Variants in TRPM8 observed in about 807,000 individuals in gnomAD.
The protein encoded by TRPM8 is transient receptor potential cation channel subfamily M member 8.
In TRPM8, 110 loss-of-function variants were observed where a neutral mutation model predicts 133.7. The observed-to-expected ratio is 0.82, with a 90% CI of 0.70 to 0.96. The LOEUF (loss-of-function observed/expected upper bound fraction) is 0.96, where lower values mean the gene tolerates loss of function less well. Ranked by LOEUF, TRPM8 falls within the 40% of genes least tolerant of loss-of-function variation. The pLI is 0.00. For synonymous variants in TRPM8, 535 were observed against 532.3 expected (o/e 1.01, Z -0.07); for missense variants, 1,291 against 1,379.5 (o/e 0.94, Z 1.02).
intron 5 of TRPM8, among the ~76,000 whole-genome samples, chr2:233,941,379 C>T (rs1344935748): frequency 3.3e-5 from 5 of 152,068 alleles, no homozygotes; most frequent in Admixed American, 2.0e-4. Context: ...ATTTATGCCC[C>T]GTGAGAGCTG....
At chr2:233,997,742 A>T (rs1361236138) in intron 22 of TRPM8, among the ~76,000 whole-genome samples, 1 of 152,066 alleles carries the variant, frequency 6.6e-6, no homozygotes, top group South Asian at 2.1e-4. Context: ...GAAGGCAGCC[A>T]TCAACCCAAC....
intron 21 of TRPM8, among the ~76,000 whole-genome samples, chr2:233,990,480 T>C (rs1692247538): frequency 6.6e-6 from 1 of 152,202 alleles, no homozygotes; most frequent in African/African-American, 2.4e-5. Context: ...CTATTAAGCA[T>C]GTTAGGAGTG....
intron 2 of TRPM8, among the ~76,000 whole-genome samples, chr2:233,929,132 G>A (rs1186564475): frequency 6.6e-6 from 1 of 151,990 alleles, no homozygotes; most frequent in Admixed American, 6.5e-5. Context: ...AAGGGGGATG[G>A]TATGTGGATT....
At chr2:233,962,760 C>T (rs1000909137) in intron 12 of TRPM8, among the ~76,000 whole-genome samples, 4 of 152,048 alleles carry the variant, frequency 2.6e-5, no homozygotes, top group Non-Finnish European at 5.9e-5. Flanking sequence ...TATATATATC[C>T]ATTTAGTTGT....
intron 11 of TRPM8, among the ~76,000 whole-genome samples, chr2:233,958,569 A>G (rs1211343215): frequency 1.3e-5 from 2 of 152,170 alleles, no homozygotes; most frequent in Admixed American, 1.3e-4. Flanking sequence ...CCACTGCCCT[A>G]TGCTAGCAAG....
Position 233,949,938 on chromosome 2 carries a change from C to T in TRPM8, c.943-11C>T, listed in dbSNP as rs367869853. On this transcript the variant is annotated splice_polypyrimidine_tract_variant and intron_variant, in intron 8 of 25. Coordinates refer to ENST00000324695, the MANE Select transcript of TRPM8 (RefSeq NM_024080.5). Reference sequence around the variant, plus strand: ...GTCTCTGATCTGTCTGACTCTGTCTCCTTCCTCCAGGCCATCAATACCTCC... The same window carrying T: ...GTCTCTGATCTGTCTGACTCTGTCTTCTTCCTCCAGGCCATCAATACCTCC... 54 of 1,613,668 alleles carry T rather than the reference C, an allele frequency of 3.3e-5. No homozygotes were observed. The highest frequency in any genetic ancestry group is 4.6e-5 in the Non-Finnish European group (54 of 1,179,914).
chr2:233,985,801 CT>C lies in TRPM8; in HGVS notation c.2876del (p.Leu959ArgfsTer67), dbSNP rs752284591. ...PRFPEWITIPLVCIYMLSTNI... is the reference protein window; with the variant it reads ...PRFPEWITIPXVCIYMLSTNI... ...GTTCCCCGAGTGGATCACCATCCCCCTGGTGTGCATCTACATGTTATCCACC... is the reference window on the plus strand; with the variant it reads ...GTTCCCCGAGTGGATCACCATCCCCCGGTGTGCATCTACATGTTATCCACC... On this transcript the variant is annotated frameshift_variant, in exon 21 of 26. Coordinates refer to ENST00000324695, the MANE Select transcript of TRPM8 (RefSeq NM_024080.5). LOFTEE classifies it high-confidence loss of function. 6.2e-7 allele frequency: 1 copy of C among 1,614,220 alleles called. No homozygotes were observed. The highest frequency in any genetic ancestry group is 1.1e-5 in the South Asian group (1 of 91,082).
chr2:233,966,051 T>A (rs1691562463), intron 14 of TRPM8: 1 of 152,636 alleles, frequency 6.6e-6, no homozygotes, highest in African/African-American at 2.4e-5. Context: ...GGTTTTGCCA[T>A]GTTGGGCAGA....
At chr2:234,012,587 C>A (rs1209214279) in intron 24 of TRPM8, among the ~76,000 whole-genome samples, 1 of 151,674 alleles carries the variant, frequency 6.6e-6, no homozygotes, top group Non-Finnish European at 1.5e-5. Flanking sequence ...TATTTAGATG[C>A]CTTTTCTTTT....
At chr2:233,927,855 T>TCC (rs56830692) in intron 2 of TRPM8, among the ~76,000 whole-genome samples, 2 of 39,120 alleles carry the variant, frequency 5.1e-5, no homozygotes, top group Non-Finnish European at 4.6e-5. Flanking sequence ...TTCCTTCCTT[T>TCC]CTTTCTCTTT....
chr2:233,943,019 A>G, intron 6 of TRPM8: 1 of 565,978 alleles, frequency 1.8e-6, no homozygotes, highest in Non-Finnish European at 3.1e-6. Flanking sequence ...ATTCTTCATA[A>G]CTATGGCTTA....
At chr2:233,926,698 C>CT in intron 2 of TRPM8, 44 bp downstream of exon 2, 1 of 1,455,388 alleles carries the variant, frequency 6.9e-7, no homozygotes, top group Non-Finnish European at 9.6e-7. Context: ...TCATTGTAAC[C>CT]TTCGTAAGCC....
intron 3 of TRPM8, among the ~76,000 whole-genome samples, chr2:233,934,390 G>A (rs1691746313): frequency 6.6e-6 from 1 of 152,196 alleles, no homozygotes; most frequent in African/African-American, 2.4e-5. Context: ...TCTTAAGAAA[G>A]GGATGCCTAT....
intron 20 of TRPM8, among the ~76,000 whole-genome samples, chr2:233,984,596 A>G (rs938785599): frequency 7.9e-5 from 12 of 151,752 alleles, no homozygotes; most frequent in African/African-American, 2.7e-4. Flanking sequence ...TGTTTTTTCC[A>G]TCACCACTGC....
chr2:233,952,505 C>G (rs527934278), intron 9 of TRPM8, among the ~76,000 whole-genome samples: 23 of 151,744 alleles, frequency 1.5e-4, no homozygotes, highest in African/African-American at 5.6e-4. Context: ...GTGCAAAGGT[C>G]CTGAGGTGGG....
intron 21 of TRPM8, among the ~76,000 whole-genome samples, chr2:233,986,165 A>G (rs1692144684): frequency 6.6e-6 from 1 of 152,248 alleles, no homozygotes; most frequent in Non-Finnish European, 1.5e-5. Context: ...GTTGGTACCA[A>G]TATCACCCAT....
At chr2:233,927,665 T>G (rs1691546650) in intron 2 of TRPM8, among the ~76,000 whole-genome samples, 1 of 152,090 alleles carries the variant, frequency 6.6e-6, no homozygotes, top group African/African-American at 2.4e-5. Flanking sequence ...TCTGGAGGGG[T>G]CCACCTGGCC....
rs138964731 is a variant in TRPM8 at position 233,954,105 on chromosome 2, C to G, written c.1243+86C>G. The G allele has an allele frequency of 2.2e-4, 204 of 937,230 alleles. 2 individuals are homozygous for G. In the African/African-American group the frequency reaches 2.7e-3, roughly 13 times the overall value. The allele number at this position is 937,230 out of a possible 1,614,324, so 58.1% of individuals were successfully genotyped here. ...GACTTACATTTCTTTTATAAAACAGCTTTATTGAAAGGCAAGCTTGTACTT... is the reference window on the plus strand; with the variant it reads ...GACTTACATTTCTTTTATAAAACAGGTTTATTGAAAGGCAAGCTTGTACTT... On this transcript the variant is annotated intron_variant, in intron 10 of 25. Transcript: ENST00000324695.
In TRPM8 at chr2:233,955,163, C is replaced by A; in HGVS notation, c.1275C>A (p.Asn425Lys). Residue 425 changes from asparagine to lysine, a missense_variant, in exon 11 of 26, where the codon AAC becomes AAA. Around this residue, in one of 2 missense-constraint regions of TRPM8, gnomAD observed 963 missense variants for 968.9 expected, o/e 0.99. Coordinates refer to ENST00000324695, the MANE Select transcript of TRPM8 (RefSeq NM_024080.5). Reference protein sequence around the residue: ...AFSTSEQDKDNWNGQLKLLLE... With the variant: ...AFSTSEQDKDKWNGQLKLLLE... The stretch of plus-strand genomic sequence containing the variant: ...GCACCAGTGAGCAAGACAAGGATAA[C>A]TGGAATGGGCAGCTGAAGCTTCTGC... The A allele has an allele frequency of 6.2e-7, 1 of 1,614,136 alleles. No individual in the cohort carries two copies. Among genetic ancestry groups the A allele is most frequent in the South Asian group, 1.1e-5 (1 of 91,074 alleles).
Sources: allele counts gnomAD v4.1 joint callset (sites outside exome capture counted in the v4.1 genomes callset), GRCh38; gene constraint gnomAD v4.1.1; regional missense constraint gnomAD v4.1.1; transcripts MANE v1.5; gene names NCBI Gene and HGNC (gene_info 2026-07-23, HGNC 2026-07-21).